UST: variants seen among roughly 807,000 people sequenced by gnomAD.
UST encodes chondroitin sulfate 2-O-sulfotransferase.
UST carries 21 observed loss-of-function variants against 45.6 expected under a neutral mutation model. The observed-to-expected ratio is 0.46, with a 90% confidence interval of 0.33 to 0.66. The LOEUF (loss-of-function observed/expected upper bound fraction) is 0.66. Among genes scored for constraint, UST ranks in the 30% least tolerant of loss-of-function variants. The pLI is 0.02. For missense variants in UST, 463 were observed against 512.4 expected (o/e 0.90, Z 0.93); for synonymous variants, 215 against 200.6 (o/e 1.07, Z -0.61).
chr6:148,955,096 CG>C (rs1466478685), intron 4 of UST, among the ~76,000 whole-genome samples: 2 of 152,220 alleles, frequency 1.3e-5, no homozygotes, highest in African/African-American at 4.8e-5. Flanking sequence ...AGCCCTCTGA[CG>C]GGCACTTCTG....
intron 1 of UST, among the ~76,000 whole-genome samples, chr6:148,799,735 A>G (rs1330778200): frequency 2.0e-5 from 3 of 151,716 alleles, no homozygotes; most frequent in African/African-American, 7.3e-5. Context: ...CTCATTCTTT[A>G]TCAGAAAGTA....
At chr6:148,822,071 G>T (rs903196656) in intron 1 of UST, among the ~76,000 whole-genome samples, 4 of 151,950 alleles carry the variant, frequency 2.6e-5, no homozygotes, top group Non-Finnish European at 4.4e-5. Flanking sequence ...AGGCTGTCTG[G>T]TTTTTTTTAG....
intron 7 of UST, among the ~76,000 whole-genome samples, chr6:149,047,888 C>A (rs1776416572): frequency 6.6e-6 from 1 of 151,890 alleles, no homozygotes; most frequent in African/African-American, 2.4e-5. Context: ...CAACAAGATT[C>A]AAAAATACTA....
intron 1 of UST, among the ~76,000 whole-genome samples, chr6:148,777,377 C>T (rs568514285): frequency 2.4e-4 from 36 of 152,246 alleles, no homozygotes; most frequent in African/African-American, 7.7e-4. Flanking sequence ...AAGGTGAAGC[C>T]AAACACACAT....
intron 1 of UST, among the ~76,000 whole-genome samples, chr6:148,779,827 C>A (rs73781502): frequency 6.6e-6 from 1 of 152,084 alleles, no homozygotes; most frequent in Admixed American, 6.6e-5. Context: ...GAAAGAAATC[C>A]TTTTCGATTC....
intron 1 of UST, among the ~76,000 whole-genome samples, chr6:148,830,216 G>T (rs1777655473): frequency 6.6e-6 from 1 of 152,182 alleles, no homozygotes; most frequent in South Asian, 2.1e-4. Flanking sequence ...CTGGAAACTG[G>T]ACCACACCCA....
intron 1 of UST, among the ~76,000 whole-genome samples, chr6:148,809,385 C>T (rs780372123): frequency 3.8e-4 from 57 of 151,718 alleles, no homozygotes; most frequent in Non-Finnish European, 4.3e-4. Flanking sequence ...ACTGTCAAAG[C>T]TGAAACAGTG....
At chr6:148,924,031 T>A (rs1471079128) in intron 2 of UST, among the ~76,000 whole-genome samples, 1 of 152,194 alleles carries the variant, frequency 6.6e-6, no homozygotes, top group African/African-American at 2.4e-5. Context: ...GCAGCTGGTC[T>A]AAGACCTGAC....
At chr6:148,823,835 A>G (rs1240558432) in intron 1 of UST, among the ~76,000 whole-genome samples, 1 of 152,156 alleles carries the variant, frequency 6.6e-6, no homozygotes. Flanking sequence ...CCTTCAGTTG[A>G]TGATGCAGGA....
chr6:148,831,248 G>C (rs914981250), intron 1 of UST, among the ~76,000 whole-genome samples: 3 of 152,090 alleles, frequency 2.0e-5, no homozygotes, highest in African/African-American at 7.2e-5. Flanking sequence ...TAACTTCTGC[G>C]GTACAATTCT....
At chr6:149,009,891 A>T (rs1775776460) in intron 5 of UST, among the ~76,000 whole-genome samples, 1 of 151,742 alleles carries the variant, frequency 6.6e-6, no homozygotes, top group Admixed American at 6.6e-5. Context: ...GCACATATAC[A>T]TCAAATAAGA....
chr6:148,766,630 A>G (rs1394344258), intron 1 of UST, among the ~76,000 whole-genome samples: 1 of 152,214 alleles, frequency 6.6e-6, no homozygotes, highest in Non-Finnish European at 1.5e-5. Flanking sequence ...GTGATTGGTC[A>G]TGCCTGGATA....
intron 7 of UST, among the ~76,000 whole-genome samples, chr6:149,037,281 G>A (rs1431869353): frequency 6.6e-6 from 1 of 152,176 alleles, no homozygotes; most frequent in Non-Finnish European, 1.5e-5. Context: ...TTATGTCCAA[G>A]CCAGTTCAAA....
At chr6:148,848,150 T>C (rs1310847941) in intron 1 of UST, among the ~76,000 whole-genome samples, 1 of 152,182 alleles carries the variant, frequency 6.6e-6, no homozygotes, top group Non-Finnish European at 1.5e-5. Context: ...AAGTCACATG[T>C]ATGAGAAACA....
intron 2 of UST, among the ~76,000 whole-genome samples, chr6:148,938,597 T>C (rs1257412209): frequency 6.6e-6 from 1 of 152,144 alleles, no homozygotes. Flanking sequence ...TTATTTAGTT[T>C]TGAGCTTTTT....
At chr6:148,843,081 G>A (rs939561446) in intron 1 of UST, among the ~76,000 whole-genome samples, 1 of 152,234 alleles carries the variant, frequency 6.6e-6, no homozygotes, top group African/African-American at 2.4e-5. Context: ...GGAAAGCAAC[G>A]TCTATCAAGT....
chr6:148,814,587 G>C (rs1000433921), intron 1 of UST, among the ~76,000 whole-genome samples: 2 of 152,116 alleles, frequency 1.3e-5, no homozygotes, highest in African/African-American at 4.8e-5. Context: ...GGCTCTGTAA[G>C]CTCTTAACCC....
intron 1 of UST, among the ~76,000 whole-genome samples, chr6:148,853,379 G>A (rs959228120): frequency 3.3e-5 from 5 of 152,154 alleles, no homozygotes; most frequent in Non-Finnish European, 7.4e-5. Flanking sequence ...CATTTGGGTT[G>A]ATTCCATGTC....
intron 7 of UST, among the ~76,000 whole-genome samples, chr6:149,038,747 G>T (rs886419540): frequency 6.6e-6 from 1 of 152,120 alleles, no homozygotes; most frequent in African/African-American, 2.4e-5. Flanking sequence ...CCTTGGATTA[G>T]GACAAAGAGC....
Sources: gnomAD v4.1 joint callset for allele counts (sites outside exome capture counted in the v4.1 genomes callset) on GRCh38, gnomAD v4.1.1 for gene constraint, MANE v1.5 for transcripts, NCBI Gene and HGNC (gene_info 2026-07-23, HGNC 2026-07-21) for gene names.